Variants in EXOC4 observed in about 807,000 individuals in gnomAD.
EXOC4 encodes SEC8-like 1.
Under a neutral mutation model 107.2 loss-of-function variants are expected in EXOC4, and 71 were observed. The observed-to-expected ratio is 0.66, with a 90% CI of 0.55 to 0.81. The LOEUF is 0.81. Ranked by LOEUF, EXOC4 falls within the 30% of genes least tolerant of loss-of-function variation. The pLI is 0.00. For missense variants in EXOC4, 1,108 were observed against 1,189.6 expected (o/e 0.93, Z 1.01); for synonymous variants, 456 against 441.2 (o/e 1.03, Z -0.42).
At chr7:133,262,022 C>T (rs1795164934) in intron 1 of EXOC4, among the ~76,000 whole-genome samples, 1 of 152,150 alleles carries the variant, frequency 6.6e-6, no homozygotes, top group Non-Finnish European at 1.5e-5. Flanking sequence ...ATTCTAACCA[C>T]CTTAATATGC....
the EXOC4 span, among the ~76,000 whole-genome samples, chr7:134,084,228 C>G: frequency 6.6e-6 from 1 of 152,202 alleles, no homozygotes; most frequent in Non-Finnish European, 1.5e-5. Context: ...GCAGTTGCTT[C>G]TAAGCCAGAC....
At chr7:133,526,227 G>C (rs1369991118) in intron 9 of EXOC4, among the ~76,000 whole-genome samples, 1 of 152,056 alleles carries the variant, frequency 6.6e-6, no homozygotes, top group Non-Finnish European at 1.5e-5. Context: ...TCTTTGGAAT[G>C]GTATAAACCA....
intron 17 of EXOC4, among the ~76,000 whole-genome samples, chr7:134,045,773 C>A (rs1334220919): frequency 2.6e-5 from 4 of 152,086 alleles, no homozygotes; most frequent in Admixed American, 6.5e-5. Context: ...GCAGTCACTC[C>A]TCATTTCCCC....
Position 133,694,567 on chromosome 7 carries a change from CA to C in EXOC4, c.1514+64427del, listed in dbSNP as rs140673502. On this transcript the variant is annotated intron_variant, in intron 10 of 17. Coordinates refer to ENST00000253861, the MANE Select transcript of EXOC4 (RefSeq NM_021807.4). The stretch of plus-strand genomic sequence containing the variant: ...AGAAAAGCAATTGAAGATATATTCT[CA>C]TTTCATTTATTTTTATTTTTTAAAT... 4.8e-3 allele frequency among the ~76,000 whole-genome samples: 731 copies of C among 152,268 alleles called. 5 individuals are homozygous for C. Among genetic ancestry groups the C allele is most frequent in the Middle Eastern group, 0.01 (3 of 294 alleles).
rs979914259 is a variant in EXOC4, at chr7:134,035,045, A to T, written c.2687+27210A>T. Among the ~76,000 whole-genome samples the T allele has an allele frequency of 3.0e-3, 402 of 135,996 alleles. 2 individuals are homozygous for T. The highest frequency in any genetic ancestry group is 4.8e-3 in the Non-Finnish European group (303 of 63,166). The allele number at this position is 135,996 out of a possible 152,430, so 89.2% of individuals were successfully genotyped here. On this transcript the variant is annotated intron_variant, in intron 17 of 17. Transcript: ENST00000253861. ...GTTTTTTTTCTTTTTTCTTTTCTTT[A>T]CTTTTTTTTTTTTTTTTTGAGACAG... is the stretch of plus-strand genomic sequence containing the variant.
intron 10 of EXOC4, among the ~76,000 whole-genome samples, chr7:133,659,000 CTTTTT>C (rs397890140): frequency 7.5e-5 from 3 of 40,108 alleles, no homozygotes; most frequent in Non-Finnish European, 1.2e-4. Context: ...TTCAGAGAAG[CTTTTT>C]TTTTTTTTTT....
chr7:133,947,772 T>G lies in EXOC4; in HGVS notation c.2206+9703T>G, dbSNP rs1800590134. Among the ~76,000 whole-genome samples, 4 of 152,322 alleles carry G rather than the reference T, an allele frequency of 2.6e-5. No homozygotes were observed. In the South Asian group the frequency reaches 8.3e-4, roughly 32 times the overall value. On this transcript the variant is annotated intron_variant, in intron 14 of 17. Transcript: ENST00000253861. ...ATAAAAAATTATGTGGCTGTTTCTT[T>G]GGAAATGCCAACATTTGTACCCATA...
the EXOC4 span, among the ~76,000 whole-genome samples, chr7:134,094,543 A>C: frequency 6.6e-6 from 1 of 151,794 alleles, no homozygotes; most frequent in African/African-American, 2.4e-5. Flanking sequence ...AAGAGGAGAG[A>C]CTCCTCCCTA....
intron 17 of EXOC4, among the ~76,000 whole-genome samples, chr7:134,020,321 A>C (rs1245389940): frequency 6.6e-6 from 1 of 152,198 alleles, no homozygotes; most frequent in East Asian, 1.9e-4. Flanking sequence ...ACAAGTGCTC[A>C]GGAGATTATC....
rs149667477 is a variant in EXOC4, at chr7:133,612,677, G to A, written c.1418-17368G>A. On this transcript the variant is annotated intron_variant, in intron 9 of 17. Coordinates refer to ENST00000253861, the MANE Select transcript of EXOC4 (RefSeq NM_021807.4). Reference sequence around the variant, plus strand: ...GGATGGCTGAAGAGAGACCAATTAGGAGGCCAGTAATGCAGGAGGCAGATG... The same window carrying A: ...GGATGGCTGAAGAGAGACCAATTAGAAGGCCAGTAATGCAGGAGGCAGATG... Among the ~76,000 whole-genome samples the A allele has an allele frequency of 4.1e-3, 632 of 152,314 alleles. 3 individuals are homozygous for A. The highest frequency in any genetic ancestry group is 9.7e-3 in the Admixed American group (149 of 15,288).
chr7:133,503,174 T>C (rs535222167), intron 9 of EXOC4, among the ~76,000 whole-genome samples: 85 of 152,224 alleles, frequency 5.6e-4, no homozygotes, highest in African/African-American at 1.9e-3. Flanking sequence ...GGACTGAGAA[T>C]TGGTTGATAG....
At chr7:133,543,322 T>G (rs1800417512) in intron 9 of EXOC4, among the ~76,000 whole-genome samples, 1 of 152,140 alleles carries the variant, frequency 6.6e-6, no homozygotes, top group Non-Finnish European at 1.5e-5. Context: ...TGATATAATT[T>G]AATTAATTCT....
intron 17 of EXOC4, among the ~76,000 whole-genome samples, chr7:134,038,398 C>T (rs1347692408): frequency 6.6e-6 from 1 of 152,138 alleles, no homozygotes; most frequent in Non-Finnish European, 1.5e-5. Flanking sequence ...ACTCTAGGCA[C>T]CTATACTTAA....
intron 9 of EXOC4, among the ~76,000 whole-genome samples, chr7:133,617,050 G>C (rs1802209838): frequency 6.6e-6 from 1 of 152,150 alleles, no homozygotes; most frequent in African/African-American, 2.4e-5. Flanking sequence ...AAGTTAGACA[G>C]AGAACTTTGT....
intron 5 of EXOC4, among the ~76,000 whole-genome samples, chr7:133,318,686 T>C (rs1442256259): frequency 6.6e-6 from 1 of 152,220 alleles, no homozygotes; most frequent in Admixed American, 6.5e-5. Context: ...GAGAGCTTAA[T>C]ATATTGTTGG....
intron 9 of EXOC4, among the ~76,000 whole-genome samples, chr7:133,519,418 A>G (rs58969343): frequency 0.02 from 2,968 of 152,090 alleles, 97 homozygotes; most frequent in African/African-American, 0.067. Context: ...GTGAGACCCT[A>G]TCTTAAAAAA....
chr7:133,968,286 T>A (rs1338495947), intron 14 of EXOC4, among the ~76,000 whole-genome samples: 1 of 152,212 alleles, frequency 6.6e-6, no homozygotes, highest in East Asian at 1.9e-4. Context: ...GGGTCTTGAC[T>A]CTATCCAATT....
At chr7:133,546,703 A>C (rs974663379) in intron 9 of EXOC4, among the ~76,000 whole-genome samples, 1 of 152,154 alleles carries the variant, frequency 6.6e-6, no homozygotes, top group African/African-American at 2.4e-5. Context: ...GCCTCTGGCA[A>C]CCTGATTCCT....
At chr7:133,891,568 A>G (rs2116499070) in intron 11 of EXOC4, among the ~76,000 whole-genome samples, 1 of 94,922 alleles carries the variant, frequency 1.1e-5, no homozygotes, top group African/African-American at 6.3e-5. Flanking sequence ...GGTTTGTCAT[A>G]AATAGCTCTT....
Sources: allele counts gnomAD v4.1 joint callset (sites outside exome capture counted in the v4.1 genomes callset), GRCh38; gene constraint gnomAD v4.1.1; transcripts MANE v1.5; gene names NCBI Gene and HGNC (gene_info 2026-07-23, HGNC 2026-07-21).